DSCAML1: variants seen among roughly 807,000 people sequenced by gnomAD.
The protein encoded by DSCAML1 is DS cell adhesion molecule like 1, also known as cell adhesion molecule DSCAML1.
DSCAML1 carries 38 observed loss-of-function variants against 200.5 expected under a neutral mutation model. The ratio of observed to expected loss-of-function variants is 0.19; its 90% confidence interval spans 0.15 to 0.25. The LOEUF (loss-of-function observed/expected upper bound fraction) is 0.25, where lower values mean the gene tolerates loss of function less well. DSCAML1 is among the 10% of genes least tolerant of loss of function. The pLI is 1.00. For missense variants in DSCAML1, 2,223 were observed against 2,858.8 expected (o/e 0.78, Z 5.07); for synonymous variants, 1,215 against 1,165.0 (o/e 1.04, Z -0.87).
At chr11:117,485,177 G>C (rs10892126) in intron 11 of DSCAML1, among the ~76,000 whole-genome samples, 36,584 of 152,014 alleles carry the variant, frequency 0.24, 4,572 homozygotes, top group South Asian at 0.31. Context: ...ATGTACTTTT[G>C]AGCAGTGCAC....
chr11:117,442,336 G>GTGTA (rs895680730), intron 21 of DSCAML1, among the ~76,000 whole-genome samples: 1 of 151,908 alleles, frequency 6.6e-6, no homozygotes, highest in East Asian at 1.9e-4. Flanking sequence ...TGTGTATAGT[G>GTGTA]TGTATGTGTG....
chr11:117,565,929 T>C (rs1375146919), intron 3 of DSCAML1, among the ~76,000 whole-genome samples: 1 of 152,208 alleles, frequency 6.6e-6, no homozygotes, highest in African/African-American at 2.4e-5. Context: ...GATGGGCAGA[T>C]ATCTCTTGGA....
At chr11:117,528,556 C>T (rs990691402) in intron 4 of DSCAML1, among the ~76,000 whole-genome samples, 7 of 152,122 alleles carry the variant, frequency 4.6e-5, no homozygotes, top group African/African-American at 1.7e-4. Flanking sequence ...TCTGAGATGC[C>T]CTGGGGAGGC....
rs574732488 is a variant in DSCAML1, at chr11:117,428,325, GC to G, written c.*2del. 1,827 of 1,484,028 alleles carry G rather than the reference GC, an allele frequency of 1.2e-3. 19 individuals carry two copies. The African/African-American group carries it at 0.018, about 15-fold the overall frequency. 91.9% of individuals were successfully genotyped at this position (1,484,028 alleles called of 1,614,324 possible). On this transcript the variant is annotated 3_prime_UTR_variant, in exon 33 of 33. Transcript: ENST00000651296. Reference sequence around the variant, plus strand: ...CCAGGCGTGGCTGCTCTTCCTGCGGGCCCTACACCAGGGTGTAGGATTTGGA... The same window carrying G: ...CCAGGCGTGGCTGCTCTTCCTGCGGGCCTACACCAGGGTGTAGGATTTGGA...
At chr11:117,555,663 G>A (rs781528002) in intron 3 of DSCAML1, among the ~76,000 whole-genome samples, 1 of 152,184 alleles carries the variant, frequency 6.6e-6, no homozygotes, top group South Asian at 2.1e-4. Flanking sequence ...GGCAGGGAGA[G>A]CAGGGGTTTG....
rs529902251 is a variant in DSCAML1, at chr11:117,775,619, T to C, written c.511+1172A>G. Among the ~76,000 whole-genome samples, 480 of 152,160 alleles carry C rather than the reference T, an allele frequency of 3.2e-3. 1 individual carries two copies. Among genetic ancestry groups the C allele is most frequent in the Non-Finnish European group, 4.1e-3 (279 of 67,992 alleles). ...GTCTCAAAGAAAGTCTCCTGCTGCA[T>C]TAGCTGTCAACACGCCAGAGCATGG... On this transcript the variant is annotated intron_variant, in intron 3 of 32. Transcript: ENST00000651296.
rs568946144 is a variant in DSCAML1 at position 117,575,303 on chromosome 11, C to T, written c.512-42781G>A. 6.6e-5 allele frequency among the ~76,000 whole-genome samples: 10 copies of T among 152,280 alleles called. No individual in the cohort carries two copies. In the South Asian group the frequency reaches 8.3e-4, roughly 13 times the overall value. ...AACCAGAGCAAAGCACCCGGGATGA[C>T]GCATGGTTTGAGACCCACCACAAGC... On this transcript the variant is annotated intron_variant, in intron 3 of 32. Transcript: ENST00000651296.
chr11:117,493,599 C>A (rs763195743), intron 11 of DSCAML1, among the ~76,000 whole-genome samples: 6 of 151,978 alleles, frequency 3.9e-5, no homozygotes, highest in Non-Finnish European at 8.8e-5. Flanking sequence ...CAGGCATGAG[C>A]CACCGCACCA....
At chr11:117,733,085 A>T (rs538340720) in intron 3 of DSCAML1, among the ~76,000 whole-genome samples, 1 of 152,076 alleles carries the variant, frequency 6.6e-6, no homozygotes, top group Non-Finnish European at 1.5e-5. Context: ...GCAGGAGAGG[A>T]GGACAGAGAG....
intron 3 of DSCAML1, among the ~76,000 whole-genome samples, chr11:117,739,434 G>A (rs1002007525): frequency 2.0e-4 from 30 of 152,206 alleles, no homozygotes; most frequent in Non-Finnish European, 3.7e-4. Flanking sequence ...ACACAAGTTC[G>A]AGAACACTGA....
At chr11:117,775,513 G>A (rs1000019108) in intron 3 of DSCAML1, among the ~76,000 whole-genome samples, 1 of 152,138 alleles carries the variant, frequency 6.6e-6, no homozygotes, top group African/African-American at 2.4e-5. Context: ...TACAAGCTCT[G>A]AAGTCAGGAG....
At position 117,433,381 on chromosome 11, in the gene DSCAML1, G is replaced by C; in HGVS notation, c.4907+60C>G. On this transcript the variant is annotated intron_variant, in intron 28 of 32. Transcript: ENST00000651296. ...CTGGGAGTTCAGAGCGAGGCTCCTG[G>C]GTCCTCCTCAGGACAGAGGGGAGAA... 5 of 1,599,322 alleles carry C rather than the reference G, an allele frequency of 3.1e-6. No individual in the cohort carries two copies. The South Asian group carries it at 5.6e-5, about 18-fold the overall frequency.
chr11:117,506,170 C>T (rs960736234), intron 8 of DSCAML1, among the ~76,000 whole-genome samples: 7 of 152,164 alleles, frequency 4.6e-5, no homozygotes, highest in African/African-American at 1.7e-4. Context: ...CTGGGACTGT[C>T]CCCCATGCAT....
chr11:117,468,181 T>C (rs909131073), intron 16 of DSCAML1, among the ~76,000 whole-genome samples: 18 of 152,158 alleles, frequency 1.2e-4, no homozygotes, highest in Non-Finnish European at 1.5e-5. Flanking sequence ...CATTAAGAAA[T>C]CAATAGGGCT....
intron 3 of DSCAML1, among the ~76,000 whole-genome samples, chr11:117,743,003 T>TCATCCATCCATCCATCCATC (rs60601984): frequency 5.4e-4 from 82 of 151,006 alleles, no homozygotes; most frequent in South Asian, 2.5e-3. Context: ...CACTCCACTT[T>TCATCCATCCATCCATCCATC]CATCCATCCA....
intron 3 of DSCAML1, among the ~76,000 whole-genome samples, chr11:117,627,490 G>A (rs2052074257): frequency 6.6e-6 from 1 of 151,988 alleles, no homozygotes; most frequent in South Asian, 2.1e-4. Context: ...CGCACTGCTC[G>A]CAGCCCCACA....
intron 3 of DSCAML1, chr11:117,709,829 G>C (rs974395243): frequency 4.0e-5 from 18 of 452,958 alleles, no homozygotes; most frequent in Middle Eastern, 6.7e-4. Flanking sequence ...TCCCAGCCTG[G>C]GACCGAGGGC....
intron 1 of DSCAML1, among the ~76,000 whole-genome samples, chr11:117,802,821 T>C (rs541346620): frequency 2.2e-4 from 33 of 152,320 alleles, no homozygotes; most frequent in African/African-American, 6.7e-4. Flanking sequence ...TGGATACATA[T>C]GCCAGAATTG....
At chr11:117,471,768 C>T in intron 15 of DSCAML1, 101 bp downstream of exon 15, 1 of 1,425,298 alleles carries the variant, frequency 7.0e-7, no homozygotes. Flanking sequence ...ACGCCACCCC[C>T]TTTAACTGCA....
Sources: allele counts gnomAD v4.1 joint callset (sites outside exome capture counted in the v4.1 genomes callset), GRCh38; gene constraint gnomAD v4.1.1; transcripts MANE v1.5; gene names NCBI Gene and HGNC (gene_info 2026-07-23, HGNC 2026-07-21).